The following ATAD1 variants were observed in gnomAD, a reference collection of about 807,000 sequenced individuals.
ATAD1 encodes the protein ATPase family AAA domain containing 1, also known as outer mitochondrial transmembrane helix translocase.
Under a neutral mutation model 42.7 loss-of-function variants are expected in ATAD1, and 18 were observed. That is an observed-to-expected ratio of 0.42 (90% confidence interval 0.29 to 0.63). The LOEUF is 0.63. Ranked by LOEUF, ATAD1 falls within the 20% of genes least tolerant of loss-of-function variation. ATAD1 has a pLI of 0.19. For missense variants in ATAD1, 294 were observed against 440.4 expected, an observed-to-expected ratio of 0.67 and a Z score of 2.98; for synonymous variants, 132 against 143.1, an observed-to-expected ratio of 0.92 and a Z score of 0.55.
At chr10:87,811,455 G>A (rs556374046) in intron 2 of ATAD1, among the ~76,000 whole-genome samples, 55 of 152,260 alleles carry the variant, frequency 3.6e-4, no homozygotes, top group African/African-American at 1.3e-3. Context: ...TTCACTGGCT[G>A]CACATCATCT....
chr10:87,762,468 CTTT>C (rs796462922), intron 8 of ATAD1, among the ~76,000 whole-genome samples: 1 of 144,758 alleles, frequency 6.9e-6, no homozygotes. Context: ...TACAACTACA[CTTT>C]TTTTTTTTTT....
At chr10:87,826,113 C>G (rs1857724191) in intron 1 of ATAD1, among the ~76,000 whole-genome samples, 1 of 152,020 alleles carries the variant, frequency 6.6e-6, no homozygotes, top group African/African-American at 2.4e-5. Flanking sequence ...AATCTCCCAT[C>G]TTCCCCTTTT....
At chr10:87,838,739 TC>T (rs1372547602) in intron 1 of ATAD1, among the ~76,000 whole-genome samples, 4 of 149,768 alleles carry the variant, frequency 2.7e-5, no homozygotes, top group African/African-American at 9.8e-5. Flanking sequence ...ATTCATATTC[TC>T]TCTCTCTCTC....
chr10:87,808,762 A>T (rs1857044448), intron 2 of ATAD1, among the ~76,000 whole-genome samples: 1 of 152,208 alleles, frequency 6.6e-6, no homozygotes, highest in African/African-American at 2.4e-5. Context: ...TCCTGGGATA[A>T]ATCCAACTGG....
chr10:87,785,901 A>G (rs1378976624), intron 4 of ATAD1, among the ~76,000 whole-genome samples: 1 of 152,154 alleles, frequency 6.6e-6, no homozygotes, highest in Non-Finnish European at 1.5e-5. Flanking sequence ...AAGTTTAATC[A>G]TATGAAACTA....
Position 87,814,305 on chromosome 10 carries a change from A to G in ATAD1, c.162+133T>C, listed in dbSNP as rs73352896. 630 of 699,244 alleles carry G rather than the reference A, an allele frequency of 9.0e-4. 5 individuals are homozygous for G. In the African/African-American group the frequency reaches 0.011, roughly 12 times the overall value. The allele number at this position is 699,244 out of a possible 1,614,324, so 43.3% of individuals were successfully genotyped here. A position where few individuals can be genotyped will look rare whatever the true frequency, so the allele number is the denominator to read the frequency against. Reference sequence around the variant, plus strand: ...AGTACTTTGTAAGAGTAATAAAACTATGAGTACCAATACATTTTCATGTGG... The same window carrying G: ...AGTACTTTGTAAGAGTAATAAAACTGTGAGTACCAATACATTTTCATGTGG... On this transcript the variant is annotated intron_variant, in intron 2 of 9. Transcript: ENST00000680024.
chr10:87,825,004 G>A (rs1857699291), intron 1 of ATAD1, among the ~76,000 whole-genome samples: 1 of 152,088 alleles, frequency 6.6e-6, no homozygotes, highest in African/African-American at 2.4e-5. Flanking sequence ...CATTAATATT[G>A]GCTGTTATTC....
intron 2 of ATAD1, among the ~76,000 whole-genome samples, chr10:87,803,488 G>A (rs1472916912): frequency 6.6e-6 from 1 of 152,198 alleles, no homozygotes; most frequent in Non-Finnish European, 1.5e-5. Context: ...GCCTCTTTTG[G>A]AGAGGCTAAT....
At chr10:87,766,724 T>C (rs939998398) in intron 8 of ATAD1, among the ~76,000 whole-genome samples, 1 of 151,390 alleles carries the variant, frequency 6.6e-6, no homozygotes, top group Admixed American at 6.6e-5. Flanking sequence ...GACATGAGAA[T>C]CACTTGAACC....
At chr10:87,819,672 A>G (rs1025391019), upstream of ATAD1, among the ~76,000 whole-genome samples, 1 of 152,190 alleles carries the variant, frequency 6.6e-6, no homozygotes, top group African/African-American at 2.4e-5. Context: ...CCTTAGAGAA[A>G]CTTTTCTAAG....
intron 1 of ATAD1, among the ~76,000 whole-genome samples, chr10:87,829,739 G>A (rs1354478472): frequency 6.6e-6 from 1 of 152,170 alleles, no homozygotes; most frequent in Non-Finnish European, 1.5e-5. Flanking sequence ...ATTAGAAGTG[G>A]AGTCTGAAGA....
upstream of ATAD1, chr10:87,818,344 A>C (rs1271390201): frequency 2.4e-6 from 2 of 831,542 alleles, no homozygotes; most frequent in Middle Eastern, 6.1e-4. Flanking sequence ...ACAGTGAGGG[A>C]GAGCAAATTC....
chr10:87,832,665 A>G, intron 1 of ATAD1, among the ~76,000 whole-genome samples: 1 of 152,072 alleles, frequency 6.6e-6, no homozygotes, highest in Admixed American at 6.5e-5. Context: ...ATCATAATTT[A>G]TATAAAATTT....
At chr10:87,755,937 G>A (rs1242264662) in intron 9 of ATAD1, among the ~76,000 whole-genome samples, 1 of 152,136 alleles carries the variant, frequency 6.6e-6, no homozygotes, top group Non-Finnish European at 1.5e-5. Context: ...GGTAGATTCT[G>A]AGGGTGCACT....
intron 2 of ATAD1, among the ~76,000 whole-genome samples, chr10:87,811,258 G>A (rs192967910): frequency 1.2e-3 from 181 of 152,034 alleles, no homozygotes; most frequent in African/African-American, 4.1e-3. Flanking sequence ...ACTTGAACCC[G>A]GAAGAAGCAG....
At chr10:87,807,736 C>T (rs976568862) in intron 2 of ATAD1, among the ~76,000 whole-genome samples, 6 of 152,032 alleles carry the variant, frequency 3.9e-5, no homozygotes, top group African/African-American at 7.2e-5. Flanking sequence ...TTATATTTTA[C>T]ATTATATATT....
chr10:87,787,275 C>T (rs147234609), intron 4 of ATAD1, among the ~76,000 whole-genome samples: 188 of 152,160 alleles, frequency 1.2e-3, no homozygotes, highest in African/African-American at 4.4e-3. Flanking sequence ...CTTTTTAAGA[C>T]GGATGTTTTT....
chr10:87,808,562 AAAAAC>A lies in ATAD1; in HGVS notation c.162+5871_162+5875del, dbSNP rs1360613258. On this transcript the variant is annotated intron_variant, in intron 2 of 9. Transcript: ENST00000680024. ...AAGGCTCCGTCTAAAAGAAAACACA[AAAAAC>A]AAAACAAAACAAAAAGAACACTATC... Among the ~76,000 whole-genome samples, 5 of 152,312 alleles carry A rather than the reference AAAAAC, an allele frequency of 3.3e-5. No individual in the cohort carries two copies. The East Asian group carries it at 9.6e-4, about 29-fold the overall frequency.
intron 1 of ATAD1, among the ~76,000 whole-genome samples, chr10:87,830,740 T>C (rs1857813468): frequency 6.6e-6 from 1 of 152,246 alleles, no homozygotes. Context: ...TTCCATTGTC[T>C]ATTAACATAG....
Sources: gnomAD v4.1 joint callset for allele counts (sites outside exome capture counted in the v4.1 genomes callset) on GRCh38, gnomAD v4.1.1 for gene constraint, MANE v1.5 for transcripts, NCBI Gene and HGNC (gene_info 2026-07-23, HGNC 2026-07-21) for gene names.